The following ULK4 variants were observed in gnomAD, a reference collection of about 807,000 sequenced individuals.
The protein encoded by ULK4 is inactive serine/threonine-protein kinase ULK4.
Under a neutral mutation model 160.6 loss-of-function variants are expected in ULK4, and 133 were observed. The ratio of observed to expected loss-of-function variants is 0.83; its 90% CI spans 0.72 to 0.96. The LOEUF is 0.96. Among genes scored for constraint, ULK4 ranks in the 40% least tolerant of loss-of-function variants. The pLI is 0.00. For missense variants in ULK4, 1,580 were observed against 1,499.5 expected (o/e 1.05, Z -0.89); for synonymous variants, 534 against 539.8 (o/e 0.99, Z 0.15).
At chr3:41,473,415 A>T (rs1167401198) in intron 32 of ULK4, among the ~76,000 whole-genome samples, 1 of 152,178 alleles carries the variant, frequency 6.6e-6, no homozygotes, top group East Asian at 1.9e-4. Flanking sequence ...TAAACCCAGC[A>T]CTTTGGGAGG....
At chr3:41,461,457 T>G (rs944707177) in intron 33 of ULK4, among the ~76,000 whole-genome samples, 4 of 152,184 alleles carry the variant, frequency 2.6e-5, no homozygotes, top group Non-Finnish European at 4.4e-5. Context: ...GGACTCCTCC[T>G]CCTTCATATT....
chr3:41,562,817 T>C (rs2087640839), intron 32 of ULK4, among the ~76,000 whole-genome samples: 1 of 152,192 alleles, frequency 6.6e-6, no homozygotes, highest in South Asian at 2.1e-4. Flanking sequence ...TTTATCCAAT[T>C]TGCCAGTCTG....
chr3:41,927,277 C>A (rs1200433791), intron 5 of ULK4, among the ~76,000 whole-genome samples: 1 of 152,174 alleles, frequency 6.6e-6, no homozygotes, highest in Admixed American at 6.5e-5. Flanking sequence ...AAATAAAATC[C>A]TTTACAGAAA....
At chr3:41,670,590 C>CACATAT (rs1431750250) in intron 29 of ULK4, among the ~76,000 whole-genome samples, 1 of 151,670 alleles carries the variant, frequency 6.6e-6, no homozygotes, top group Non-Finnish European at 1.5e-5. Context: ...TATATACATA[C>CACATAT]ACATATACAT....
intron 21 of ULK4, among the ~76,000 whole-genome samples, chr3:41,757,629 C>CAAAAA (rs1197436719): frequency 1.6e-5 from 1 of 63,632 alleles, no homozygotes; most frequent in Non-Finnish European, 3.0e-5. Context: ...GAGACTCTCT[C>CAAAAA]AAAAAAAAAA....
At chr3:41,293,627 T>C (rs1025225582) in intron 35 of ULK4, among the ~76,000 whole-genome samples, 2 of 152,224 alleles carry the variant, frequency 1.3e-5, no homozygotes, top group Admixed American at 6.5e-5. Flanking sequence ...CACTGTTTCC[T>C]GGCAATATTA....
At chr3:41,638,134 T>C (rs1029635489) in intron 30 of ULK4, among the ~76,000 whole-genome samples, 4 of 152,220 alleles carry the variant, frequency 2.6e-5, no homozygotes, top group African/African-American at 9.6e-5. Context: ...CGAAAGTACA[T>C]ATTTCACTAG....
intron 35 of ULK4, among the ~76,000 whole-genome samples, chr3:41,336,547 G>T (rs1013177886): frequency 1.3e-5 from 2 of 152,176 alleles, no homozygotes; most frequent in Non-Finnish European, 2.9e-5. Context: ...CGTAAGGCGA[G>T]AACTTGCTGG....
chr3:41,312,483 A>G (rs2080069572), intron 35 of ULK4, among the ~76,000 whole-genome samples: 1 of 152,216 alleles, frequency 6.6e-6, no homozygotes, highest in African/African-American at 2.4e-5. Context: ...GAACTAAGTC[A>G]TAATAAAAAC....
In ULK4 at chr3:41,519,730, A is replaced by G. The variant is rs139699711; in HGVS notation, c.3226+46295T>C. 1.2e-4 allele frequency among the ~76,000 whole-genome samples: 18 copies of G among 152,346 alleles called. No individual in the cohort carries two copies. The East Asian group carries it at 3.3e-3, about 28-fold the overall frequency. On this transcript the variant is annotated intron_variant, in intron 32 of 36. Coordinates refer to ENST00000301831, the MANE Select transcript of ULK4 (RefSeq NM_017886.4). ...GCATTGGTAAAATGGGAACTTTAAT[A>G]TATCTTTTACCTGACTCATGTTTGA...
chr3:41,608,063 A>G (rs1302586869), intron 31 of ULK4, among the ~76,000 whole-genome samples: 1 of 152,236 alleles, frequency 6.6e-6, no homozygotes, highest in East Asian at 1.9e-4. Context: ...CAAAACAAAG[A>G]TAAACCTAAA....
rs1473418609 is a variant in ULK4, at chr3:41,269,532, G to C, written c.3679-19958C>G. ...GTCCATTTCACCCCATTACAAAATG[G>C]TGCCATGAGTCAGATGCTACTATTA... On this transcript the variant is annotated intron_variant, in intron 35 of 36. Transcript: ENST00000301831. Among the ~76,000 whole-genome samples, 3 of 152,240 alleles carry C rather than the reference G, an allele frequency of 2.0e-5. No individual in the cohort carries two copies. The East Asian group carries it at 5.8e-4, about 29-fold the overall frequency.
intron 22 of ULK4, among the ~76,000 whole-genome samples, chr3:41,727,521 G>A (rs985434823): frequency 6.6e-6 from 1 of 152,220 alleles, no homozygotes; most frequent in African/African-American, 2.4e-5. Context: ...TAAAGCAAGC[G>A]TGCAATGTGG....
intron 16 of ULK4, among the ~76,000 whole-genome samples, chr3:41,893,971 G>T (rs1698063552): frequency 6.6e-6 from 1 of 152,118 alleles, no homozygotes; most frequent in Non-Finnish European, 1.5e-5. Context: ...AAGAATAAAA[G>T]AGGATTCCTA....
intron 27 of ULK4, among the ~76,000 whole-genome samples, chr3:41,690,080 G>A (rs796798114): frequency 3.4e-5 from 5 of 146,898 alleles, no homozygotes; most frequent in African/African-American, 1.3e-4. Flanking sequence ...AGAAAATGTG[G>A]CACATATACA....
At chr3:41,678,813 C>T (rs2035823425) in intron 29 of ULK4, among the ~76,000 whole-genome samples, 1 of 152,120 alleles carries the variant, frequency 6.6e-6, no homozygotes, top group Non-Finnish European at 1.5e-5. Flanking sequence ...TAAAAAGTAT[C>T]AACACCAGTG....
At chr3:41,249,073 G>A (rs569174499) in intron 36 of ULK4, among the ~76,000 whole-genome samples, 2 of 152,178 alleles carry the variant, frequency 1.3e-5, no homozygotes, top group African/African-American at 4.8e-5. Flanking sequence ...CCTGGGCCTT[G>A]AGTCCTCCAC....
intron 30 of ULK4, among the ~76,000 whole-genome samples, chr3:41,650,378 C>T (rs1332047006): frequency 1.3e-5 from 2 of 152,208 alleles, no homozygotes; most frequent in Admixed American, 1.3e-4. Flanking sequence ...AGACCCAGAC[C>T]TAGGGGCTTC....
intron 31 of ULK4, among the ~76,000 whole-genome samples, chr3:41,611,134 A>G (rs912422633): frequency 6.6e-6 from 1 of 152,216 alleles, no homozygotes; most frequent in Non-Finnish European, 1.5e-5. Context: ...AGGAACCCGC[A>G]TTTATTAAAC....
Sources: allele counts gnomAD v4.1 joint callset (sites outside exome capture counted in the v4.1 genomes callset), GRCh38; gene constraint gnomAD v4.1.1; transcripts MANE v1.5; gene names NCBI Gene and HGNC (gene_info 2026-07-23, HGNC 2026-07-21).